The following DMD variants were observed in gnomAD, a reference collection of about 807,000 sequenced individuals.
DMD encodes the protein dystrophin, also known as mutant dystrophin.
A neutral mutation model predicts 330.1 loss-of-function variants in DMD; 63 were observed. That is an observed-to-expected ratio of 0.19 (90% CI 0.16 to 0.24). DMD has a LOEUF of 0.24. Ranked by LOEUF, DMD falls within the 10% of genes least tolerant of loss-of-function variation. DMD has a pLI of 1.00. For synonymous variants in DMD, 1,223 were observed against 959.8 expected (o/e 1.27, Z -5.07); for missense variants, 3,344 against 2,684.1 (o/e 1.25, Z -5.43).
At chrX:31,372,317 A>C (rs2059635677) in intron 60 of DMD, among the ~76,000 whole-genome samples, 1 of 112,326 alleles carries the variant, frequency 8.9e-6, no homozygotes, top group Non-Finnish European at 1.9e-5. Flanking sequence ...AAGCTGCTGC[A>C]ATGATACAAC....
chrX:33,230,896 C>A (rs1239646852), intron 1 of DMD, among the ~76,000 whole-genome samples: 1 of 110,038 alleles, frequency 9.1e-6, no homozygotes, highest in East Asian at 2.8e-4. Flanking sequence ...AAAAAAGTAT[C>A]CTTAGTTAAG....
chrX:32,445,387 C>T (rs1303307294), intron 27 of DMD, among the ~76,000 whole-genome samples: 1 of 110,684 alleles, frequency 9.0e-6, no homozygotes, highest in Non-Finnish European at 1.9e-5. Context: ...TCCCTCTTCA[C>T]CCTCCCTTAT....
At chrX:32,736,623 G>A (rs1247440003) in intron 7 of DMD, among the ~76,000 whole-genome samples, 3 of 110,116 alleles carry the variant, frequency 2.7e-5, no homozygotes, top group Non-Finnish European at 3.8e-5. Flanking sequence ...GTAGGGACAT[G>A]GATGAAATTG....
At chrX:32,472,023 A>G in intron 22 of DMD, 141 bp downstream of exon 22, 1 of 707,755 alleles carries the variant, frequency 1.4e-6, no homozygotes, top group Non-Finnish European at 2.2e-6. Context: ...ATAATACTGT[A>G]AAGTCTCATT....
At chrX:32,445,285 G>C (rs1458433493) in intron 27 of DMD, among the ~76,000 whole-genome samples, 1 of 110,521 alleles carries the variant, frequency 9.0e-6, no homozygotes, top group Non-Finnish European at 1.9e-5. Flanking sequence ...AGGGACAACA[G>C]ACTAGGCATT....
intron 48 of DMD, among the ~76,000 whole-genome samples, chrX:31,858,094 GCC>G (rs34945806): frequency 0.25 from 27,181 of 110,194 alleles, 2,573 homozygotes; most frequent in African/African-American, 0.31. Context: ...AGCTAACTTT[GCC>G]TAGTAGATGA....
chrX:32,328,055 T>G (rs1339863330), intron 41 of DMD, among the ~76,000 whole-genome samples: 2 of 111,778 alleles, frequency 1.8e-5, no homozygotes, highest in Non-Finnish European at 3.8e-5. Context: ...CTTTTGTCAA[T>G]CACAAATAAT....
intron 43 of DMD, among the ~76,000 whole-genome samples, chrX:32,233,522 A>G (rs2097175865): frequency 1.2e-5 from 1 of 85,511 alleles, no homozygotes; most frequent in African/African-American, 4.6e-5. Flanking sequence ...TCACAATACA[A>G]TAAATTAAAA....
chrX:31,241,640 G>A (rs1569496358), intron 63 of DMD, among the ~76,000 whole-genome samples: 1 of 111,128 alleles, frequency 9.0e-6, no homozygotes, highest in Non-Finnish European at 1.9e-5. Flanking sequence ...TGTCCAATCT[G>A]TGATTACCTT....
At chrX:33,266,940 C>T (rs1217630916) in intron 1 of DMD, among the ~76,000 whole-genome samples, 1 of 110,501 alleles carries the variant, frequency 9.0e-6, no homozygotes, top group Non-Finnish European at 1.9e-5. Flanking sequence ...TGGAACAAAA[C>T]AAGGATGCCC....
chrX:31,749,233 G>A (rs1212658554), intron 51 of DMD, among the ~76,000 whole-genome samples: 21 of 106,612 alleles, frequency 2.0e-4, no homozygotes, highest in Admixed American at 4.0e-4. Context: ...ATGCTGGCAC[G>A]CTGCACCCAC....
At chrX:32,287,841 C>T in intron 42 of DMD, 140 bp from the exon 43 acceptor site, 1 of 427,782 alleles carries the variant, frequency 2.3e-6, no homozygotes, top group Non-Finnish European at 3.7e-6. Flanking sequence ...AGTTAATAAC[C>T]ATGAAGTCCA....
intron 4 of DMD, among the ~76,000 whole-genome samples, chrX:32,836,659 T>C (rs756151871): frequency 1.8e-5 from 2 of 111,768 alleles, no homozygotes; most frequent in Non-Finnish European, 3.8e-5. Context: ...AAACTCTCAG[T>C]ACAGCCTGAG....
At chrX:32,689,287 C>T (rs2063104722) in intron 9 of DMD, among the ~76,000 whole-genome samples, 1 of 110,323 alleles carries the variant, frequency 9.1e-6, no homozygotes, top group East Asian at 2.8e-4. Context: ...CCACTATGAA[C>T]AATTTTACAC....
chrX:33,082,630 T>C (rs1412553789), intron 1 of DMD, among the ~76,000 whole-genome samples: 2 of 112,381 alleles, frequency 1.8e-5, no homozygotes, highest in African/African-American at 6.5e-5. Flanking sequence ...GTTTCAGGCT[T>C]GCAAGGCTTT....
intron 48 of DMD, among the ~76,000 whole-genome samples, chrX:31,846,591 T>C (rs189993834): frequency 2.7e-5 from 3 of 111,754 alleles, no homozygotes; most frequent in East Asian, 5.6e-4. Context: ...CTGTAACAAA[T>C]TCAAAAGGCT....
At position 32,332,799 on chromosome X, in the gene DMD, G is replaced by A. The variant is rs777666393; in HGVS notation, c.5922+9301C>T. Among the ~76,000 whole-genome samples, 172 of 111,027 alleles carry A rather than the reference G, an allele frequency of 1.5e-3. 3 individuals are homozygous for A. In the Admixed American group the frequency reaches 0.016, roughly 11 times the overall value. On this transcript the variant is annotated intron_variant, in intron 41 of 78. Transcript: ENST00000357033. ...TTTATATTTTTCAAATGTTGTCCCT[G>A]TGTATTGTGTAGAGATAGGCTAAAG...
intron 50 of DMD, among the ~76,000 whole-genome samples, chrX:31,797,851 G>A (rs748144166): frequency 4.4e-4 from 49 of 111,673 alleles, no homozygotes; most frequent in Non-Finnish European, 8.1e-4. Flanking sequence ...AAAGAACCAG[G>A]AAGATTTATA....
chrX:32,636,955 G>A (rs1278482373), intron 11 of DMD, among the ~76,000 whole-genome samples: 4 of 109,169 alleles, frequency 3.7e-5, no homozygotes, highest in East Asian at 2.8e-4. Flanking sequence ...CCGAGATAGC[G>A]CCACTGCACT....
Sources: allele counts gnomAD v4.1 joint callset (sites outside exome capture counted in the v4.1 genomes callset), GRCh38; gene constraint gnomAD v4.1.1; transcripts MANE v1.5; gene names NCBI Gene and HGNC (gene_info 2026-07-23, HGNC 2026-07-21).